The following DACH1 variants were observed in gnomAD, a reference collection of about 807,000 sequenced individuals.
DACH1 encodes the protein dachshund family transcription factor 1, also known as dachshund homolog 1.
DACH1 carries 12 observed loss-of-function variants against 54.2 expected under a neutral mutation model. The observed-to-expected ratio is 0.22, with a 90% CI of 0.14 to 0.36. The LOEUF (loss-of-function observed/expected upper bound fraction) is 0.36. Ranked by LOEUF, DACH1 falls within the 10% of genes least tolerant of loss-of-function variation. DACH1 has a pLI of 1.00. For synonymous variants in DACH1, 386 were observed against 366.2 expected (o/e 1.05, Z -0.62); for missense variants, 805 against 929.8 (o/e 0.87, Z 1.75).
chr13:71,676,827 G>A (rs1566425878), intron 2 of DACH1, among the ~76,000 whole-genome samples: 1 of 152,032 alleles, frequency 6.6e-6, no homozygotes, highest in South Asian at 2.1e-4. Context: ...TAAGCATAAG[G>A]TATGTGTGTA....
intron 2 of DACH1, among the ~76,000 whole-genome samples, chr13:71,631,258 C>T (rs959866966): frequency 5.3e-5 from 8 of 152,186 alleles, no homozygotes; most frequent in African/African-American, 1.9e-4. Flanking sequence ...TGCCCTATGA[C>T]AAACATTTCC....
chr13:71,509,476 C>G (rs549722580), intron 6 of DACH1, among the ~76,000 whole-genome samples: 1 of 152,098 alleles, frequency 6.6e-6, no homozygotes, highest in South Asian at 2.1e-4. Flanking sequence ...AATAATATGT[C>G]TAAGTACAAG....
At chr13:71,835,803 C>CA (rs66516745) in intron 1 of DACH1, among the ~76,000 whole-genome samples, 67,881 of 151,752 alleles carry the variant, frequency 0.45, 18,109 homozygotes, top group Middle Eastern at 0.66. Flanking sequence ...CAAACAACAA[C>CA]AAAAAAATCA....
At chr13:71,679,941 C>CAAA (rs71123298) in intron 2 of DACH1, among the ~76,000 whole-genome samples, 8 of 70,096 alleles carry the variant, frequency 1.1e-4, no homozygotes, top group South Asian at 5.4e-4. Flanking sequence ...GACTCCGTCT[C>CAAA]AAAAAAAAAA....
chr13:71,450,487 G>C (rs769412377), intron 10 of DACH1, among the ~76,000 whole-genome samples: 1 of 151,950 alleles, frequency 6.6e-6, no homozygotes, highest in East Asian at 1.9e-4. Context: ...CCCATTCCTT[G>C]GGGCTCCCTA....
intron 1 of DACH1, among the ~76,000 whole-genome samples, chr13:71,811,984 T>C (rs1023763271): frequency 2.0e-5 from 3 of 152,214 alleles, no homozygotes; most frequent in Admixed American, 6.5e-5. Context: ...TTTTCTGTCA[T>C]GTATTTGAAA....
At chr13:71,829,239 G>A (rs550349249) in intron 1 of DACH1, among the ~76,000 whole-genome samples, 4 of 151,620 alleles carry the variant, frequency 2.6e-5, no homozygotes, top group South Asian at 4.2e-4. Context: ...AGTCATCATC[G>A]GGCTTGGTTT....
At chr13:71,491,186 C>T (rs973604772) in intron 6 of DACH1, among the ~76,000 whole-genome samples, 3 of 152,072 alleles carry the variant, frequency 2.0e-5, no homozygotes, top group African/African-American at 7.2e-5. Context: ...TTAACATAAA[C>T]AATGTGCTGG....
chr13:71,831,774 A>G (rs565068509), intron 1 of DACH1, among the ~76,000 whole-genome samples: 8 of 151,984 alleles, frequency 5.3e-5, no homozygotes, highest in Admixed American at 2.0e-4. Context: ...AACCCCTATA[A>G]TCTGCACTTC....
chr13:71,836,656 GCT>G (rs979484302), intron 1 of DACH1, among the ~76,000 whole-genome samples: 1 of 151,972 alleles, frequency 6.6e-6, no homozygotes, highest in Non-Finnish European at 1.5e-5. Flanking sequence ...AGAAAAATAA[GCT>G]CTGTTAAAAT....
chr13:71,787,291 A>T (rs1455259404), intron 1 of DACH1, among the ~76,000 whole-genome samples: 1 of 152,230 alleles, frequency 6.6e-6, no homozygotes, highest in Non-Finnish European at 1.5e-5. Context: ...CAAGATCTCT[A>T]AGTACAGCTG....
At chr13:71,693,608 G>A (rs1171930313) in intron 1 of DACH1, among the ~76,000 whole-genome samples, 3 of 151,154 alleles carry the variant, frequency 2.0e-5, no homozygotes, top group Admixed American at 6.6e-5. Context: ...GTGAGCCACC[G>A]CGCCCGGCCT....
chr13:71,857,411 A>G (rs1874070779), intron 1 of DACH1, among the ~76,000 whole-genome samples: 1 of 151,710 alleles, frequency 6.6e-6, no homozygotes, highest in Admixed American at 6.6e-5. Flanking sequence ...TATTTTCCTA[A>G]GTTATTTGTC....
At chr13:71,541,136 A>G (rs953544697) in intron 6 of DACH1, among the ~76,000 whole-genome samples, 2 of 151,980 alleles carry the variant, frequency 1.3e-5, no homozygotes, top group Non-Finnish European at 2.9e-5. Flanking sequence ...GCTATTCCTT[A>G]TGGATAATGA....
intron 1 of DACH1, among the ~76,000 whole-genome samples, chr13:71,756,086 G>A (rs1336654803): frequency 3.3e-5 from 5 of 151,822 alleles, no homozygotes; most frequent in Non-Finnish European, 7.4e-5. Context: ...ACAGGAGTGC[G>A]GTAGCCCGAT....
chr13:71,859,419 A>G (rs999487120), intron 1 of DACH1, among the ~76,000 whole-genome samples: 1 of 151,834 alleles, frequency 6.6e-6, no homozygotes, highest in South Asian at 2.1e-4. Context: ...GTGATGTGAC[A>G]TATATTTTTT....
At position 71,528,427 on chromosome 13, in the gene DACH1, T is replaced by TTC. The variant is rs1185555815; in HGVS notation, c.1570+28596_1570+28597insGA. ...TTAGAAACGGAAAAACAGATTTTCT[T>TTC]TTTTTTTTTTTTTTTTTTGAGACTG... On this transcript the variant is annotated intron_variant, in intron 6 of 10. Coordinates refer to ENST00000613252, the MANE Select transcript of DACH1 (RefSeq NM_080759.6). 1.1e-4 allele frequency among the ~76,000 whole-genome samples: 16 copies of TTC among 139,188 alleles called. 1 individual carries two copies. Among genetic ancestry groups the TTC allele is most frequent in the African/African-American group, 3.0e-4 (11 of 37,274 alleles). The allele number at this position is 139,188 out of a possible 152,430, so 91.3% of individuals were successfully genotyped here.
At chr13:71,687,512 T>G (rs547741595) in intron 1 of DACH1, among the ~76,000 whole-genome samples, 56 of 152,290 alleles carry the variant, frequency 3.7e-4, no homozygotes, top group African/African-American at 1.3e-3. Flanking sequence ...AAATACTGAA[T>G]GCTTATCTTT....
intron 1 of DACH1, among the ~76,000 whole-genome samples, chr13:71,862,414 C>T (rs1229188651): frequency 1.3e-5 from 2 of 151,980 alleles, no homozygotes; most frequent in Non-Finnish European, 2.9e-5. Context: ...CAGCCAAGTT[C>T]ATGCAACTAA....
Sources: gnomAD v4.1 joint callset for allele counts (sites outside exome capture counted in the v4.1 genomes callset) on GRCh38, gnomAD v4.1.1 for gene constraint, MANE v1.5 for transcripts, NCBI Gene and HGNC (gene_info 2026-07-23, HGNC 2026-07-21) for gene names.